The following NR3C2 variants were observed in gnomAD, a reference collection of about 807,000 sequenced individuals.
The protein encoded by NR3C2 is nuclear receptor subfamily 3 group C member 2, also known as mineralocorticoid receptor.
Under a neutral mutation model 86.4 loss-of-function variants are expected in NR3C2, and 15 were observed. That is an observed-to-expected ratio of 0.17 (90% CI 0.12 to 0.27). The LOEUF is 0.27. Among genes scored for constraint, NR3C2 ranks in the 10% least tolerant of loss-of-function variants. NR3C2 has a pLI of 1.00. For missense variants in NR3C2, 960 were observed against 1,195.6 expected (o/e 0.80, Z 2.91); for synonymous variants, 458 against 450.5 (o/e 1.02, Z -0.21).
upstream of NR3C2, chr4:148,444,033 C>G (rs1750479686): frequency 1.0e-6 from 1 of 985,268 alleles, no homozygotes; most frequent in Admixed American, 6.1e-5. Context: ...CCCCGCCGAG[C>G]GTCCCAACTT....
At chr4:148,141,261 T>C (rs960448726) in intron 6 of NR3C2, among the ~76,000 whole-genome samples, 1 of 152,058 alleles carries the variant, frequency 6.6e-6, no homozygotes, top group Non-Finnish European at 1.5e-5. Flanking sequence ...GGTGAAACCC[T>C]GTCTCTACTA....
chr4:148,324,490 A>G (rs1157919128), intron 2 of NR3C2, among the ~76,000 whole-genome samples: 2 of 152,114 alleles, frequency 1.3e-5, no homozygotes, highest in African/African-American at 4.8e-5. Flanking sequence ...AAACTCAGAG[A>G]GGCAGAGAGT....
chr4:148,227,544 C>T (rs1738239210), intron 3 of NR3C2, among the ~76,000 whole-genome samples: 1 of 152,176 alleles, frequency 6.6e-6, no homozygotes, highest in African/African-American at 2.4e-5. Context: ...ACTAATTTAG[C>T]ATCCATTTAT....
intron 4 of NR3C2, among the ~76,000 whole-genome samples, chr4:148,183,668 T>A (rs1454927264): frequency 6.6e-6 from 1 of 152,150 alleles, no homozygotes; most frequent in African/African-American, 2.4e-5. Context: ...GAGGTTTAAG[T>A]GGGACAGTGC....
intron 2 of NR3C2, among the ~76,000 whole-genome samples, chr4:148,360,930 G>C (rs994127734): frequency 2.6e-5 from 4 of 152,070 alleles, no homozygotes; most frequent in Admixed American, 6.6e-5. Context: ...GTGTATGACT[G>C]GCCACAGCTG....
intron 8 of NR3C2, among the ~76,000 whole-genome samples, chr4:148,098,845 T>G (rs980670093): frequency 2.0e-5 from 3 of 152,234 alleles, no homozygotes; most frequent in African/African-American, 7.2e-5. Context: ...TCTCCTCTAT[T>G]TTATAATGAC....
At chr4:148,268,060 T>C (rs1579086308) in intron 2 of NR3C2, among the ~76,000 whole-genome samples, 1 of 151,402 alleles carries the variant, frequency 6.6e-6, no homozygotes, top group East Asian at 2.0e-4. Flanking sequence ...TTCCTCAGTC[T>C]CCTGAGTAGC....
intron 6 of NR3C2, among the ~76,000 whole-genome samples, chr4:148,143,712 G>A (rs1367486388): frequency 6.6e-6 from 1 of 152,088 alleles, no homozygotes; most frequent in African/African-American, 2.4e-5. Context: ...TTGGGAGGCC[G>A]AGGCGGGTGG....
intron 6 of NR3C2, among the ~76,000 whole-genome samples, chr4:148,122,708 A>T (rs1732564656): frequency 6.6e-6 from 1 of 152,200 alleles, no homozygotes; most frequent in Admixed American, 6.5e-5. Context: ...TGAAGATTTC[A>T]TTTTAATATG....
intron 3 of NR3C2, among the ~76,000 whole-genome samples, chr4:148,227,686 T>C (rs1434930806): frequency 1.3e-5 from 2 of 152,224 alleles, no homozygotes; most frequent in East Asian, 3.8e-4. Context: ...AGATTTATTG[T>C]GTATGAAATT....
At chr4:148,304,633 C>T (rs1193272328) in intron 2 of NR3C2, among the ~76,000 whole-genome samples, 2 of 152,108 alleles carry the variant, frequency 1.3e-5, no homozygotes, top group East Asian at 3.9e-4. Flanking sequence ...TCTTCATCCT[C>T]TTCCTTATCC....
rs147355966 is a variant in NR3C2 at position 148,239,241 on chromosome 4, G to C, written c.1897+20737C>G. Among the ~76,000 whole-genome samples the C allele has an allele frequency of 2.9e-3, 445 of 152,336 alleles. 4 individuals are homozygous for C. The highest frequency in any genetic ancestry group is 9.8e-3 in the African/African-American group (407 of 41,578). On this transcript the variant is annotated intron_variant, in intron 3 of 8. Transcript: ENST00000358102. ...CCCCTAGCATCATCCTCACTGCACA[G>C]TGATTCTAAGTGATGTATCAGCAAC...
At chr4:148,273,722 A>G (rs1294817065) in intron 2 of NR3C2, among the ~76,000 whole-genome samples, 1 of 152,178 alleles carries the variant, frequency 6.6e-6, no homozygotes, top group Non-Finnish European at 1.5e-5. Context: ...CAGGAAGCAG[A>G]AAGACAACCA....
At chr4:148,090,277 G>T (rs137998707) in intron 8 of NR3C2, among the ~76,000 whole-genome samples, 1 of 152,328 alleles carries the variant, frequency 6.6e-6, no homozygotes, top group East Asian at 1.9e-4. Context: ...AAGGGAGGAG[G>T]TGCAGTTCAG....
chr4:148,272,279 C>T (rs569529859), intron 2 of NR3C2, among the ~76,000 whole-genome samples: 1 of 152,282 alleles, frequency 6.6e-6, no homozygotes, highest in East Asian at 1.9e-4. Context: ...AAAAATGTAT[C>T]AAGCCTGTTT....
chr4:148,219,151 C>T (rs1275441371), intron 3 of NR3C2, among the ~76,000 whole-genome samples: 2 of 152,136 alleles, frequency 1.3e-5, no homozygotes, highest in Non-Finnish European at 1.5e-5. Context: ...GTTATTGTAG[C>T]CTCTTAGTGT....
chr4:148,291,791 A>AT (rs1741807008), intron 2 of NR3C2, among the ~76,000 whole-genome samples: 1 of 152,112 alleles, frequency 6.6e-6, no homozygotes, highest in Non-Finnish European at 1.5e-5. Context: ...TAATAAATTC[A>AT]TCATAAATTG....
chr4:148,344,332 G>A (rs572889849), intron 2 of NR3C2, among the ~76,000 whole-genome samples: 15 of 152,182 alleles, frequency 9.9e-5, no homozygotes, highest in African/African-American at 3.6e-4. Flanking sequence ...TATAAGTAAC[G>A]ACAAAGATAA....
intron 2 of NR3C2, among the ~76,000 whole-genome samples, chr4:148,292,251 A>G (rs2149909620): frequency 6.6e-6 from 1 of 152,154 alleles, no homozygotes; most frequent in Non-Finnish European, 1.5e-5. Flanking sequence ...ACAGAGAGAT[A>G]AATCACTTTA....
Sources: gnomAD v4.1 joint callset for allele counts (sites outside exome capture counted in the v4.1 genomes callset) on GRCh38, gnomAD v4.1.1 for gene constraint, MANE v1.5 for transcripts, NCBI Gene and HGNC (gene_info 2026-07-23, HGNC 2026-07-21) for gene names.